The following ACTN4 variants were observed in gnomAD, a reference collection of about 807,000 sequenced individuals.
ACTN4 encodes actinin alpha 4, also known as alpha-actinin-4.
ACTN4 carries 18 observed loss-of-function variants against 114.2 expected under a neutral mutation model. The ratio of observed to expected loss-of-function variants is 0.16; its 90% CI spans 0.11 to 0.23. ACTN4 has a LOEUF of 0.23. Among genes scored for constraint, ACTN4 ranks in the 10% least tolerant of loss-of-function variants. The pLI is 1.00. For missense variants in ACTN4, 722 were observed against 1,262.9 expected (o/e 0.57, Z 6.49); for synonymous variants, 515 against 506.3 (o/e 1.02, Z -0.23).
At chr19:38,653,375 A>G (rs888085615) in intron 1 of ACTN4, among the ~76,000 whole-genome samples, 2 of 152,024 alleles carry the variant, frequency 1.3e-5, no homozygotes, top group African/African-American at 4.8e-5. Context: ...TGTGCTGGGA[A>G]TTGTACAAGC....
intron 1 of ACTN4, among the ~76,000 whole-genome samples, chr19:38,676,652 T>TCTACCACAGACAGGCCC (rs1190153904): frequency 6.6e-6 from 1 of 152,190 alleles, no homozygotes; most frequent in African/African-American, 2.4e-5. Flanking sequence ...CTTTCTGCTC[T>TCTACCACAGACAGGCCC]CTACCACAGA....
At chr19:38,720,093 C>G (rs73038936) in intron 11 of ACTN4, among the ~76,000 whole-genome samples, 1 of 152,164 alleles carries the variant, frequency 6.6e-6, no homozygotes. Flanking sequence ...TGAAACAGGA[C>G]AGGCAGGCCC....
Position 38,727,916 on chromosome 19 carries a change from C to T in ACTN4, c.2338-30C>T, listed in dbSNP as rs763109692. On this transcript the variant is annotated intron_variant, in intron 18 of 20. Transcript: ENST00000252699. The surrounding 1 kb of genome is among the most constrained non-coding windows in gnomAD (Gnocchi z 5.4). ...ATCCTGGTCTCCACGCCGCCCCTCC[C>T]GCACACCTGCCTTCGGATGGCCCCG... 18 of 1,609,950 alleles carry T rather than the reference C, an allele frequency of 1.1e-5. No homozygotes were observed. Among genetic ancestry groups the T allele is most frequent in the Admixed American group, 8.4e-5 (5 of 59,796 alleles).
At chr19:38,678,458 A>T (rs569353105) in intron 1 of ACTN4, among the ~76,000 whole-genome samples, 1 of 152,272 alleles carries the variant, frequency 6.6e-6, no homozygotes, top group African/African-American at 2.4e-5. Flanking sequence ...GTCTCCATTT[A>T]TTGGGCTGAG....
intron 1 of ACTN4, among the ~76,000 whole-genome samples, chr19:38,677,469 T>C (rs1274487239): frequency 6.6e-6 from 1 of 152,096 alleles, no homozygotes; most frequent in Non-Finnish European, 1.5e-5. Context: ...AGTGGCTGGA[T>C]GGATGAGTGG....
At chr19:38,665,232 G>C (rs1309563037) in intron 1 of ACTN4, among the ~76,000 whole-genome samples, 1 of 152,178 alleles carries the variant, frequency 6.6e-6, no homozygotes, top group Non-Finnish European at 1.5e-5. Flanking sequence ...AGAGCATGGA[G>C]GGAGGCCGAC....
intron 11 of ACTN4, 109 bp downstream of exon 11, chr19:38,718,183 T>A: frequency 6.5e-7 from 1 of 1,528,808 alleles, no homozygotes; most frequent in East Asian, 2.4e-5. Context: ...GTTGGGTCTG[T>A]TTCTCAGGTG....
chr19:38,691,467 G>C (rs1395621658), intron 1 of ACTN4, among the ~76,000 whole-genome samples: 1 of 151,774 alleles, frequency 6.6e-6, no homozygotes, highest in Admixed American at 6.6e-5. Flanking sequence ...GATAGCCTAG[G>C]GGAGATGACA....
intron 1 of ACTN4, among the ~76,000 whole-genome samples, chr19:38,654,556 C>T (rs1288105096): frequency 6.6e-5 from 9 of 136,626 alleles, no homozygotes; most frequent in South Asian, 5.2e-4. Flanking sequence ...AGTAAGGCTC[C>T]GTCTCAAAAA....
rs555148534 is a variant in ACTN4 at position 38,687,678 on chromosome 19, C to T, written c.163-12922C>T. On this transcript the variant is annotated intron_variant, in intron 1 of 20. Coordinates refer to ENST00000252699, the MANE Select transcript of ACTN4 (RefSeq NM_004924.6). ...AAATGTAAGAGCTAAAACTGTAAAACTCTTAGAAGAAAACACAAGTGTAAA... is the reference window on the plus strand; with the variant it reads ...AAATGTAAGAGCTAAAACTGTAAAATTCTTAGAAGAAAACACAAGTGTAAA... 2.0e-5 allele frequency among the ~76,000 whole-genome samples: 3 copies of T among 152,298 alleles called. No individual in the cohort carries two copies. In the South Asian group the frequency reaches 6.2e-4, roughly 32 times the overall value.
At chr19:38,688,030 G>A (rs527442966) in intron 1 of ACTN4, among the ~76,000 whole-genome samples, 1 of 137,434 alleles carries the variant, frequency 7.3e-6, no homozygotes, top group African/African-American at 2.6e-5. Context: ...TTACTAATTA[G>A]GGCAAATCAA....
intron 5 of ACTN4, among the ~76,000 whole-genome samples, chr19:38,706,462 A>G (rs35729716): frequency 0.057 from 8,609 of 152,274 alleles, 259 homozygotes; most frequent in South Asian, 0.096. Context: ...TGTCACCCAG[A>G]CTGGAGGGCA....
intron 1 of ACTN4, among the ~76,000 whole-genome samples, chr19:38,649,648 G>C (rs1017952567): frequency 6.6e-6 from 1 of 152,124 alleles, no homozygotes; most frequent in Admixed American, 6.6e-5. Context: ...GAGTTTGGTG[G>C]AGATTTTTCA....
chr19:38,697,167 G>A (rs1320578283), intron 1 of ACTN4, among the ~76,000 whole-genome samples: 1 of 152,210 alleles, frequency 6.6e-6, no homozygotes, highest in Non-Finnish European at 1.5e-5. Flanking sequence ...ACGTATGGAG[G>A]GCGGGTAGGG....
intron 11 of ACTN4, among the ~76,000 whole-genome samples, chr19:38,719,629 G>T (rs1968967051): frequency 6.6e-6 from 1 of 152,264 alleles, no homozygotes; most frequent in Non-Finnish European, 1.5e-5. Context: ...ATCTTGTGTG[G>T]TTGGTGGCCT....
At position 38,730,672 on chromosome 19, in the gene ACTN4, TGTTTCTGA is replaced by T; in HGVS notation, c.*1243_*1250del. 1 of 687,712 alleles carries T rather than the reference TGTTTCTGA, an allele frequency of 1.5e-6. No individual in the cohort carries two copies. The highest frequency in any genetic ancestry group is 1.8e-5 in the South Asian group (1 of 55,928). 42.6% of individuals were successfully genotyped at this position (687,712 alleles called of 1,614,324 possible). A position where few individuals can be genotyped will look rare whatever the true frequency, so the allele number is the denominator to read the frequency against. On this transcript the variant is annotated 3_prime_UTR_variant, in exon 21 of 21. Coordinates refer to ENST00000252699, the MANE Select transcript of ACTN4 (RefSeq NM_004924.6). ...GCTCGAGAAGGGCTGTCGCTGTTCT[TGTTTCTGA>T]GTGAGGAGTACGCAGGCCAGAGTGG...
At chr19:38,691,401 C>CA (rs34899917) in intron 1 of ACTN4, among the ~76,000 whole-genome samples, 7,712 of 51,932 alleles carry the variant, frequency 0.15, 358 homozygotes, top group South Asian at 0.24. Flanking sequence ...AACTCCGTCT[C>CA]AAAAAAAAAA....
rs1406899819 is a variant in ACTN4, at chr19:38,701,141, G to A, written c.397+20G>A. The A allele has an allele frequency of 1.9e-6, 3 of 1,613,506 alleles. No homozygotes were observed. Among genetic ancestry groups the A allele is most frequent in the Non-Finnish European group, 2.5e-6 (3 of 1,180,020 alleles). ...CAGAAGGTGAGCTGGAGGTGGGGCA[G>A]CGAGGGTCCTGCTCGGTTTCTGACC... On this transcript the variant is annotated intron_variant, in intron 3 of 20. Transcript: ENST00000252699.
At chr19:38,700,557 G>A in intron 1 of ACTN4, 43 bp from the exon 2 acceptor site, 1 of 1,551,114 alleles carries the variant, frequency 6.4e-7, no homozygotes, top group East Asian at 2.2e-5. Context: ...AGCCCCGACA[G>A]CCAGGCTGAC....
Sources: allele counts gnomAD v4.1 joint callset (sites outside exome capture counted in the v4.1 genomes callset), GRCh38; gene constraint gnomAD v4.1.1; non-coding constraint Gnocchi (gnomAD v3.1); transcripts MANE v1.5; gene names NCBI Gene and HGNC (gene_info 2026-07-23, HGNC 2026-07-21).